KCND2: variants seen among roughly 807,000 people sequenced by gnomAD.
The protein encoded by KCND2 is A-type voltage-gated potassium channel KCND2.
A neutral mutation model predicts 54.4 loss-of-function variants in KCND2; 16 were observed. The ratio of observed to expected loss-of-function variants is 0.29; its 90% CI spans 0.20 to 0.45. The LOEUF is 0.45. KCND2 is among the 20% of genes least tolerant of loss of function. The probability of loss-of-function intolerance (pLI) is 1.00; values close to 1 mark genes in which losing one functional copy is unlikely to be tolerated. For synonymous variants in KCND2, 317 were observed against 310.7 expected, an observed-to-expected ratio of 1.02 and a Z score of -0.21; for missense variants, 486 against 824.2, an observed-to-expected ratio of 0.59 and a Z score of 5.02.
At chr7:120,503,611 G>A (rs1020400493) in intron 1 of KCND2, among the ~76,000 whole-genome samples, 9 of 151,522 alleles carry the variant, frequency 5.9e-5, no homozygotes, top group East Asian at 1.9e-4. Context: ...CTTTGCCTTC[G>A]TTATTTATTT....
At chr7:120,374,212 T>C (rs1263413997) in intron 1 of KCND2, among the ~76,000 whole-genome samples, 3 of 151,818 alleles carry the variant, frequency 2.0e-5, no homozygotes, top group African/African-American at 7.2e-5. Flanking sequence ...TTGGTACTTA[T>C]TCACATGATT....
chr7:120,402,146 C>A (rs142254279), intron 1 of KCND2, among the ~76,000 whole-genome samples: 1 of 152,120 alleles, frequency 6.6e-6, no homozygotes, highest in Non-Finnish European at 1.5e-5. Flanking sequence ...TAACAAGATT[C>A]TAATGCTTTG....
intron 1 of KCND2, among the ~76,000 whole-genome samples, 168 bp downstream of exon 1, chr7:120,275,915 A>G (rs1198795390): frequency 1.8e-4 from 27 of 152,194 alleles, no homozygotes; most frequent in Admixed American, 1.8e-3. Flanking sequence ...TGAAATGGGT[A>G]TAATACACAC....
intron 1 of KCND2, among the ~76,000 whole-genome samples, chr7:120,302,613 T>C (rs1424186324): frequency 1.3e-5 from 2 of 152,154 alleles, no homozygotes; most frequent in Admixed American, 6.6e-5. Context: ...TAAAAGGGTG[T>C]CTGAACGATG....
intron 1 of KCND2, among the ~76,000 whole-genome samples, chr7:120,573,377 G>C (rs1792389273): frequency 6.6e-6 from 1 of 152,174 alleles, no homozygotes; most frequent in Non-Finnish European, 1.5e-5. Context: ...CTAAAATGTT[G>C]AAAGTCTCTA....
chr7:120,307,037 T>C (rs1008381790), intron 1 of KCND2, among the ~76,000 whole-genome samples: 2 of 152,088 alleles, frequency 1.3e-5, no homozygotes, highest in African/African-American at 4.8e-5. Flanking sequence ...AAGGTTTTGA[T>C]TAATGTAAAA....
intron 1 of KCND2, among the ~76,000 whole-genome samples, chr7:120,335,547 T>C (rs541004061): frequency 0.028 from 4,251 of 151,302 alleles, 97 homozygotes; most frequent in Non-Finnish European, 0.048. Context: ...AGTGCAGTGG[T>C]GCGATCTTGG....
At chr7:120,408,763 A>G (rs1801403256) in intron 1 of KCND2, among the ~76,000 whole-genome samples, 1 of 151,846 alleles carries the variant, frequency 6.6e-6, no homozygotes, top group Non-Finnish European at 1.5e-5. Flanking sequence ...AATCAGAGAC[A>G]GGGTACTCTT....
intron 1 of KCND2, among the ~76,000 whole-genome samples, chr7:120,565,948 C>T (rs1480675188): frequency 1.3e-5 from 2 of 152,022 alleles, no homozygotes; most frequent in Admixed American, 6.6e-5. Context: ...ATCTAGAAGT[C>T]ATCCTATTTA....
chr7:120,446,127 C>CT (rs1802015255), intron 1 of KCND2, among the ~76,000 whole-genome samples: 1 of 152,096 alleles, frequency 6.6e-6, no homozygotes, highest in Non-Finnish European at 1.5e-5. Flanking sequence ...GGAGTCTTTT[C>CT]TCTTTTGTCT....
At chr7:120,374,359 T>G (rs891392301) in intron 1 of KCND2, among the ~76,000 whole-genome samples, 40 of 151,790 alleles carry the variant, frequency 2.6e-4, no homozygotes, top group African/African-American at 9.7e-4. Flanking sequence ...CATTTTACAA[T>G]TCTTAGTCGG....
chr7:120,351,811 T>A (rs756984477), intron 1 of KCND2, among the ~76,000 whole-genome samples: 9 of 151,652 alleles, frequency 5.9e-5, no homozygotes, highest in Non-Finnish European at 1.3e-4. Flanking sequence ...CTTTTCTTTC[T>A]TTCTTTTTTT....
chr7:120,377,985 T>C (rs760488624), intron 1 of KCND2, among the ~76,000 whole-genome samples: 1 of 151,962 alleles, frequency 6.6e-6, no homozygotes, highest in Non-Finnish European at 1.5e-5. Flanking sequence ...ACTTTTTATT[T>C]GATTGTTCTT....
At chr7:120,424,243 G>A (rs1235180592) in intron 1 of KCND2, among the ~76,000 whole-genome samples, 1 of 152,062 alleles carries the variant, frequency 6.6e-6, no homozygotes, top group Admixed American at 6.5e-5. Context: ...GCCACTGTTG[G>A]GTCTGTGATC....
At chr7:120,640,119 A>G (rs1041439074) in intron 1 of KCND2, among the ~76,000 whole-genome samples, 2 of 152,138 alleles carry the variant, frequency 1.3e-5, no homozygotes, top group African/African-American at 2.4e-5. Flanking sequence ...GTTTTAGCCT[A>G]TCCTGTGGTG....
intron 1 of KCND2, among the ~76,000 whole-genome samples, chr7:120,604,608 G>A (rs904160015): frequency 1.3e-5 from 2 of 151,192 alleles, no homozygotes; most frequent in African/African-American, 4.8e-5. Context: ...TTTAGATTCA[G>A]TGTTCTCTCT....
rs537566091 is a variant in KCND2 at position 120,453,412 on chromosome 7, C to T, written c.1115+177665C>T. Among the ~76,000 whole-genome samples the T allele has an allele frequency of 3.9e-5, 6 of 152,318 alleles. No individual in the cohort carries two copies. In the South Asian group the frequency reaches 1.2e-3, roughly 32 times the overall value. Reference sequence around the variant, plus strand: ...AGCTCATGACACTGGTGGTCCCATCCTCCCTGTACCACCAACCTGGTAAGT... The same window carrying T: ...AGCTCATGACACTGGTGGTCCCATCTTCCCTGTACCACCAACCTGGTAAGT... On this transcript the variant is annotated intron_variant, in intron 1 of 5. Coordinates refer to ENST00000331113, the MANE Select transcript of KCND2 (RefSeq NM_012281.3).
At chr7:120,295,570 T>C (rs934621024) in intron 1 of KCND2, among the ~76,000 whole-genome samples, 2 of 151,934 alleles carry the variant, frequency 1.3e-5, no homozygotes, top group Admixed American at 1.3e-4. Context: ...AGGTTGAATA[T>C]GAGCTATCAA....
intron 1 of KCND2, among the ~76,000 whole-genome samples, chr7:120,607,457 A>G (rs1023400097): frequency 4.6e-5 from 7 of 152,136 alleles, no homozygotes; most frequent in Non-Finnish European, 7.4e-5. Flanking sequence ...ATTTTCTGGT[A>G]CTACCCACTA....
Sources: allele counts gnomAD v4.1 joint callset (sites outside exome capture counted in the v4.1 genomes callset), GRCh38; gene constraint gnomAD v4.1.1; transcripts MANE v1.5; gene names NCBI Gene and HGNC (gene_info 2026-07-23, HGNC 2026-07-21).